Variants in MGAM observed in about 807,000 individuals in gnomAD.
MGAM encodes alpha-1,4-glucosidase.
Under a neutral mutation model 358.8 loss-of-function variants are expected in MGAM, and 253 were observed. That is an observed-to-expected ratio of 0.71 (90% CI 0.64 to 0.78). The LOEUF (loss-of-function observed/expected upper bound fraction) is 0.78, where lower values mean the gene tolerates loss of function less well. MGAM is among the 30% of genes least tolerant of loss of function. The pLI, the probability that MGAM is intolerant of heterozygous loss-of-function variation, is 0.00. For missense variants in MGAM, 3,080 were observed against 3,432.6 expected (o/e 0.90, Z 2.57); for synonymous variants, 1,105 against 1,227.1 (o/e 0.90, Z 2.08).
At chr7:142,000,551 T>C (rs1804649625) in intron 1 of MGAM, among the ~76,000 whole-genome samples, 1 of 152,164 alleles carries the variant, frequency 6.6e-6, no homozygotes. Flanking sequence ...GCCCTACCTC[T>C]TGAAGAGAGG....
chr7:142,082,448 C>T (rs768467985), intron 51 of MGAM, 27 bp from the exon 52 acceptor site: 3 of 1,452,094 alleles, frequency 2.1e-6, no homozygotes, highest in African/African-American at 2.7e-5. Flanking sequence ...TTTTAAACTC[C>T]TACTGCTTCT....
chr7:142,019,172 G>A lies in MGAM; in HGVS notation c.328-27G>A, dbSNP rs782063832. ...TGATCATGTTCTACAACTAAATGGA[G>A]CTTCTTTGACTAACCTCTTGTTTCA... On this transcript the variant is annotated intron_variant, in intron 3 of 70. Transcript: ENST00000475668. 4.4e-6 allele frequency: 7 copies of A among 1,607,830 alleles called. No homozygotes were observed. The Admixed American group carries it at 5.0e-5, about 12-fold the overall frequency.
intron 2 of MGAM, among the ~76,000 whole-genome samples, chr7:142,006,952 A>G (rs1437630263): frequency 1.6e-4 from 24 of 152,082 alleles, no homozygotes; most frequent in African/African-American, 5.8e-4. Context: ...CCCTTCTTAA[A>G]ATAAGTTATT....
At chr7:141,999,189 A>G (rs1301304781) in intron 1 of MGAM, among the ~76,000 whole-genome samples, 1 of 152,218 alleles carries the variant, frequency 6.6e-6, no homozygotes, top group African/African-American at 2.4e-5. Context: ...ATGAATAAAT[A>G]AACTGCAAGC....
intron 3 of MGAM, among the ~76,000 whole-genome samples, chr7:142,018,242 G>A (rs994506311): frequency 1.3e-5 from 2 of 152,162 alleles, no homozygotes; most frequent in African/African-American, 4.8e-5. Context: ...TTGTTGGTAG[G>A]ATTCAGCTCT....
At chr7:142,000,103 G>A (rs1160602456) in intron 1 of MGAM, among the ~76,000 whole-genome samples, 1 of 152,136 alleles carries the variant, frequency 6.6e-6, no homozygotes, top group Non-Finnish European at 1.5e-5. Context: ...CTATTGCAGG[G>A]TAACAAATTA....
chr7:142,098,255 A>G (rs1376579389), intron 66 of MGAM, among the ~76,000 whole-genome samples: 3 of 152,056 alleles, frequency 2.0e-5, no homozygotes, highest in South Asian at 4.1e-4. Flanking sequence ...TTTCTGTGCT[A>G]TTATGTTCCC....
At chr7:142,083,465 G>A (rs1313038852) in intron 53 of MGAM, 52 bp downstream of exon 53, 1 of 1,276,124 alleles carries the variant, frequency 7.8e-7, no homozygotes, top group Non-Finnish European at 1.1e-6. Flanking sequence ...CATTCTGGGT[G>A]CCAGAGCCCA....
At position 142,094,509 on chromosome 7, in the gene MGAM, C is replaced by T; in HGVS notation, c.7306+12C>T. 1 of 1,550,426 alleles carries T rather than the reference C, an allele frequency of 6.4e-7. No individual in the cohort carries two copies. Among genetic ancestry groups the T allele is most frequent in the Non-Finnish European group, 8.9e-7 (1 of 1,129,332 alleles). On this transcript the variant is annotated intron_variant, in intron 61 of 70. Coordinates refer to ENST00000475668, the MANE Select transcript of MGAM (RefSeq NM_001365693.1). ...GAAGTCTATCATTGGTGCGTGGGTC[C>T]TTCCCAGGGCCTGTGCCGGTAGGGC...
chr7:142,089,264 G>C (rs1291044116), intron 57 of MGAM, among the ~76,000 whole-genome samples: 1 of 146,276 alleles, frequency 6.8e-6, no homozygotes, highest in East Asian at 2.0e-4. Context: ...GAAATCTGAG[G>C]GCAGTGTTGG....
intron 65 of MGAM, among the ~76,000 whole-genome samples, chr7:142,097,315 G>T (rs1052623559): frequency 2.0e-5 from 3 of 150,550 alleles, no homozygotes; most frequent in Non-Finnish European, 4.4e-5. Context: ...AGAGGGAATG[G>T]CGTAAGCCTA....
chr7:142,040,201 T>C (rs1358099747), intron 20 of MGAM, 30 bp downstream of exon 20: 1 of 1,558,818 alleles, frequency 6.4e-7, no homozygotes, highest in East Asian at 2.3e-5. Flanking sequence ...CTTCTACTCC[T>C]TAAGACTGTA....
intron 17 of MGAM, 72 bp from the exon 18 acceptor site, chr7:142,036,751 G>T: frequency 6.7e-7 from 1 of 1,482,250 alleles, no homozygotes; most frequent in Non-Finnish European, 9.2e-7. Context: ...TAATGAATGA[G>T]GTCTGGAATT....
At chr7:142,025,201 T>G in intron 8 of MGAM, 52 bp downstream of exon 8, 1 of 1,326,332 alleles carries the variant, frequency 7.5e-7, no homozygotes, top group Non-Finnish European at 1.1e-6. Flanking sequence ...TTCAGTCCCT[T>G]TCTTACAGCA....
At position 142,034,300 on chromosome 7, in the gene MGAM, A is replaced by G. The variant is rs1807777316; in HGVS notation, c.1708A>G (p.Met570Val). The G allele has an allele frequency of 5.6e-6, 9 of 1,600,220 alleles. No homozygotes were observed. The highest frequency in any genetic ancestry group is 7.7e-6 in the Non-Finnish European group (9 of 1,173,208). Residue 570 changes from methionine (M) to valine (V), a missense_variant, in exon 15 of 71, where the codon ATG (methionine) becomes GTG (valine). By Grantham distance (21) the Met-to-Val change is conservative (BLOSUM62 1). Transcript: ENST00000475668. ...GTACCTGTTCTGCAAGACTCTCTGT[A>G]TGGATGCAGTGCAGCACTGGGGCAA... is the stretch of plus-strand genomic sequence containing the variant. ...DGYLFCKTLCMDAVQHWGKQY... is the reference protein window; with the variant it reads ...DGYLFCKTLCVDAVQHWGKQY...
In MGAM at chr7:142,034,720, C is replaced by T. The variant is rs781807397; in HGVS notation, c.1838C>T (p.Ser613Phe). 1.9e-6 allele frequency: 3 copies of T among 1,613,608 alleles called. No individual in the cohort carries two copies. Among genetic ancestry groups the T allele is most frequent in the Non-Finnish European group, 8.5e-7 (1 of 1,179,650 alleles). ...PNKRSFILTRSTFAGSGKFAA... is the reference protein window; with the variant it reads ...PNKRSFILTRFTFAGSGKFAA... ...AAGAGAAGCTTCATTCTGACCCGTT[C>T]TACCTTTGCGGGCTCTGGCAAGTTT... Residue 613 changes from serine (S) to phenylalanine (F), a missense_variant, in exon 16 of 71, where the codon TCT becomes TTT. Transcript: ENST00000475668.
At chr7:141,999,300 C>T (rs576910184) in intron 1 of MGAM, among the ~76,000 whole-genome samples, 15 of 152,274 alleles carry the variant, frequency 9.9e-5, no homozygotes, top group Middle Eastern at 3.4e-3. Flanking sequence ...TAATTTAAAA[C>T]GTGCTATGGG....
intron 43 of MGAM, among the ~76,000 whole-genome samples, 165 bp downstream of exon 43, chr7:142,068,868 G>C (rs1344519490): frequency 1.4e-5 from 2 of 146,316 alleles, no homozygotes; most frequent in South Asian, 4.4e-4. Flanking sequence ...ACCTCCAAGT[G>C]GGGTAAGACC....
In MGAM at chr7:142,084,704, C is replaced by G. The variant is rs73738780; in HGVS notation, c.6507+60C>G. 5.3e-3 allele frequency: 7,970 copies of G among 1,510,942 alleles called. 621 individuals are homozygous for G. In the African/African-American group the frequency reaches 0.092, roughly 17 times the overall value. The allele number at this position is 1,510,942 out of a possible 1,614,324, so 93.6% of individuals were successfully genotyped here. A position where few individuals can be genotyped will look rare whatever the true frequency, so the allele number is the denominator to read the frequency against. On this transcript the variant is annotated intron_variant, in intron 54 of 70. Coordinates refer to ENST00000475668, the MANE Select transcript of MGAM (RefSeq NM_001365693.1). ...CTAACCCAGGTGCCTCTGTGTCTGG[C>G]TTCATTTGTCTAATGTTTGTGAGAT...
Sources: gnomAD v4.1 joint callset for allele counts (sites outside exome capture counted in the v4.1 genomes callset) on GRCh38, gnomAD v4.1.1 for gene constraint, MANE v1.5 for transcripts, NCBI Gene and HGNC (gene_info 2026-07-23, HGNC 2026-07-21) for gene names.